The following KANSL3 variants were observed in gnomAD, a reference collection of about 807,000 sequenced individuals.
The protein encoded by KANSL3 is KAT8 regulatory NSL complex subunit 3.
In KANSL3, 16 loss-of-function variants were observed where a neutral mutation model predicts 89.2. That is an observed-to-expected ratio of 0.18 (90% CI 0.12 to 0.27). The LOEUF is 0.27. KANSL3 is among the 10% of genes least tolerant of loss of function. KANSL3 has a pLI of 1.00. For synonymous variants in KANSL3, 385 were observed against 419.7 expected (o/e 0.92, Z 1.01); for missense variants, 879 against 1,110.6 (o/e 0.79, Z 2.96).
At chr2:96,628,045 T>C (rs906824218) in intron 3 of KANSL3, 6 of 1,290,426 alleles carry the variant, frequency 4.6e-6, no homozygotes, top group Middle Eastern at 2.1e-4. Context: ...TGTGGCAATG[T>C]GGCAATGTCA....
chr2:96,593,616 C>A lies in KANSL3; in HGVS notation c.*1995G>T. On this transcript the variant is annotated 3_prime_UTR_variant, in exon 21 of 21. Coordinates refer to ENST00000431828, the MANE Select transcript of KANSL3 (RefSeq NM_001115016.3). ...AGTTCTTCAAGGTGGACAGATCACA[C>A]CTCAGGAAGTCATCCCTTGTAAGCA... is the stretch of plus-strand genomic sequence containing the variant. The A allele has an allele frequency of 3.7e-6, 1 of 269,980 alleles. No individual in the cohort carries two copies. The highest frequency in any genetic ancestry group is 8.5e-5 in the East Asian group (1 of 11,796). 16.7% of individuals were successfully genotyped at this position (269,980 alleles called of 1,614,324 possible). A position where few individuals can be genotyped will look rare whatever the true frequency, so the allele number is the denominator to read the frequency against.
intron 14 of KANSL3, among the ~76,000 whole-genome samples, chr2:96,608,278 C>T (rs957531170): frequency 6.6e-6 from 1 of 152,166 alleles, no homozygotes; most frequent in Non-Finnish European, 1.5e-5. Context: ...CCTAGCCTCC[C>T]CAGAACAGCA....
In KANSL3 at chr2:96,629,871, G is replaced by C. The variant is rs548584745; in HGVS notation, c.386+1441C>G. 2.0e-5 allele frequency among the ~76,000 whole-genome samples: 3 copies of C among 152,196 alleles called. No homozygotes were observed. The East Asian group carries it at 5.8e-4, about 29-fold the overall frequency. On this transcript the variant is annotated intron_variant, in intron 3 of 20. Coordinates refer to ENST00000431828, the MANE Select transcript of KANSL3 (RefSeq NM_001115016.3). Reference sequence around the variant, plus strand: ...GGAAAGTTACCACCTACCAACTCCTGATATAAGAAGTAACATTTCCTTATA... The same window carrying C: ...GGAAAGTTACCACCTACCAACTCCTCATATAAGAAGTAACATTTCCTTATA...
chr2:96,613,617 G>A lies in KANSL3; in HGVS notation c.666C>T (p.Ile222=). Residue 222 remains isoleucine, a splice_region_variant and synonymous_variant, in exon 6 of 21, where the codon ATC becomes ATT. Coordinates refer to ENST00000431828, the MANE Select transcript of KANSL3 (RefSeq NM_001115016.3). The part of the protein sequence containing the change: ...LDALQTLKGK[I]PTLIDRMLVS... The stretch of plus-strand genomic sequence containing the variant: ...CAAGCATCCGGTCAATCAAGGTTGG[G>A]ATCTACAAAGAAGAAAGAGCAAAGA... The A allele has an allele frequency of 1.2e-6, 2 of 1,611,862 alleles. No homozygotes were observed. The highest frequency in any genetic ancestry group is 1.7e-6 in the Non-Finnish European group (2 of 1,178,786).
At chr2:96,617,295 C>T (rs1201212738) in intron 5 of KANSL3, among the ~76,000 whole-genome samples, 2 of 152,156 alleles carry the variant, frequency 1.3e-5, no homozygotes, top group Non-Finnish European at 2.9e-5. Flanking sequence ...GTACCTGACA[C>T]ACGTAGGGCC....
intron 11 of KANSL3, 45 bp from the exon 12 acceptor site, chr2:96,609,607 C>A: frequency 3.4e-6 from 5 of 1,474,174 alleles, no homozygotes; most frequent in Non-Finnish European, 4.7e-6. Flanking sequence ...ACACATTGCA[C>A]GGCATCCTAT....
At chr2:96,591,501 G>A (rs140724148), downstream of KANSL3, among the ~76,000 whole-genome samples, 5 of 152,320 alleles carry the variant, frequency 3.3e-5, no homozygotes, top group South Asian at 4.1e-4. Flanking sequence ...TAAGTGAGAT[G>A]TAAGTACTGG....
chr2:96,581,219 C>A, the KANSL3 span, among the ~76,000 whole-genome samples: 36,992 of 152,114 alleles, frequency 0.24, 6,025 homozygotes, highest in South Asian at 0.66. Context: ...AGGTAAGGAG[C>A]TCGAGACCAG....
the KANSL3 span, among the ~76,000 whole-genome samples, chr2:96,584,818 G>C: frequency 6.6e-6 from 1 of 152,198 alleles, no homozygotes; most frequent in Non-Finnish European, 1.5e-5. Context: ...GAATGGTGCT[G>C]TAATAAACAT....
intron 16 of KANSL3, 51 bp downstream of exon 16, chr2:96,604,728 C>T: frequency 6.8e-7 from 1 of 1,473,616 alleles, no homozygotes; most frequent in South Asian, 1.2e-5. Context: ...AAACCAGAAA[C>T]AGAGGGAAGG....
intron 20 of KANSL3, chr2:96,601,345 G>A: frequency 3.0e-6 from 3 of 985,208 alleles, no homozygotes; most frequent in Non-Finnish European, 3.6e-6. Flanking sequence ...TGAAACCAAG[G>A]ATGAGAAAAA....
At position 96,611,112 on chromosome 2, in the gene KANSL3, T is replaced by C; in HGVS notation, c.1113A>G (p.Ala371=). 6.2e-7 allele frequency: 1 copy of C among 1,613,958 alleles called. No homozygotes were observed. Among genetic ancestry groups the C allele is most frequent in the Non-Finnish European group, 8.5e-7 (1 of 1,179,824 alleles). ...CHVSVMEYVT[A]VVCLGFPLLT... ...GCAGAGGAAACCCAAGGCAGACAACTGCAGTGACATACTCCATTACTGACA... is the reference window on the plus strand; with the variant it reads ...GCAGAGGAAACCCAAGGCAGACAACCGCAGTGACATACTCCATTACTGACA... The change falls in exon 10 of 21, where the codon GCA becomes GCG. Residue 371 remains alanine, a synonymous_variant. Transcript: ENST00000431828.
At position 96,619,557 on chromosome 2, in the gene KANSL3, AG is replaced by A. The variant is rs779325356; in HGVS notation, c.478-14del. The A allele has an allele frequency of 1.2e-6, 2 of 1,611,902 alleles. No individual in the cohort carries two copies. The highest frequency in any genetic ancestry group is 2.2e-5 in the South Asian group (2 of 91,026). Reference sequence around the variant, plus strand: ...GCTCATTACAAGCCTGAAGGATGTAAGTGGAAGTAATAAAACATGAGGACTA... The same window carrying A: ...GCTCATTACAAGCCTGAAGGATGTAATGGAAGTAATAAAACATGAGGACTA... On this transcript the variant is annotated splice_polypyrimidine_tract_variant and intron_variant, in intron 4 of 20. Coordinates refer to ENST00000431828, the MANE Select transcript of KANSL3 (RefSeq NM_001115016.3).
At chr2:96,602,042 C>A in intron 19 of KANSL3, 74 bp downstream of exon 19, 1 of 1,416,468 alleles carries the variant, frequency 7.1e-7, no homozygotes, top group South Asian at 1.3e-5. Context: ...CATACCTTGC[C>A]CACATGAGAT....
chr2:96,636,799 G>T, intron 2 of KANSL3, 122 bp downstream of exon 2: 1 of 830,916 alleles, frequency 1.2e-6, no homozygotes, highest in Non-Finnish European at 1.8e-6. Context: ...AGAGATGCCT[G>T]AATTTAACAT....
At chr2:96,634,478 T>C (rs1426314311) in intron 2 of KANSL3, among the ~76,000 whole-genome samples, 1 of 151,212 alleles carries the variant, frequency 6.6e-6, no homozygotes, top group Non-Finnish European at 1.5e-5. Context: ...ATTGCGCCAT[T>C]GCGCTCCAGC....
chr2:96,589,185 C>T (rs2066258732), downstream of KANSL3, among the ~76,000 whole-genome samples: 1 of 152,112 alleles, frequency 6.6e-6, no homozygotes, highest in South Asian at 2.1e-4. Context: ...AAAACAAAAA[C>T]TAAAATGGCC....
intron 3 of KANSL3, among the ~76,000 whole-genome samples, chr2:96,624,532 T>G (rs1477693982): frequency 6.6e-6 from 1 of 152,186 alleles, no homozygotes; most frequent in African/African-American, 2.4e-5. Context: ...TATTAATTCT[T>G]CTTGTTGTTG....
At position 96,637,148 on chromosome 2, in the gene KANSL3, G is replaced by C; in HGVS notation, c.-13C>G. ...CCCGGTGGGCCATGTCAGTGGAGGG[G>C]CAGAAAGTCAGAGCATGGGTATCTG... is the stretch of plus-strand genomic sequence containing the variant. On this transcript the variant is annotated 5_prime_UTR_variant, in exon 2 of 21. Transcript: ENST00000431828. The C allele has an allele frequency of 6.5e-7, 1 of 1,537,930 alleles. No homozygotes were observed. Among genetic ancestry groups the C allele is most frequent in the Admixed American group, 2.0e-5 (1 of 50,612 alleles).
Sources: allele counts gnomAD v4.1 joint callset (sites outside exome capture counted in the v4.1 genomes callset), GRCh38; gene constraint gnomAD v4.1.1; transcripts MANE v1.5; gene names NCBI Gene and HGNC (gene_info 2026-07-23, HGNC 2026-07-21).